The following SGMS2 variants were observed in gnomAD, a reference collection of about 807,000 sequenced individuals.
SGMS2 encodes the protein sphingomyelin synthase 2.
In SGMS2, 21 loss-of-function variants were observed where a neutral mutation model predicts 43.8. The observed-to-expected ratio is 0.48, with a 90% CI of 0.34 to 0.69. The LOEUF is 0.69. Ranked by LOEUF, SGMS2 falls within the 30% of genes least tolerant of loss-of-function variation. SGMS2 has a pLI of 0.01. For missense variants in SGMS2, 384 were observed against 443.2 expected (o/e 0.87, Z 1.20); for synonymous variants, 167 against 160.6 (o/e 1.04, Z -0.30).
At chr4:107,889,052 C>A (rs1560662245) in intron 2 of SGMS2, among the ~76,000 whole-genome samples, 1 of 152,120 alleles carries the variant, frequency 6.6e-6, no homozygotes, top group Non-Finnish European at 1.5e-5. Flanking sequence ...TGGGTGTAGG[C>A]CAAACTATTT....
At chr4:107,857,617 A>G (rs1727498223) in intron 1 of SGMS2, among the ~76,000 whole-genome samples, 1 of 151,826 alleles carries the variant, frequency 6.6e-6, no homozygotes, top group Non-Finnish European at 1.5e-5. Flanking sequence ...TTGGATATTC[A>G]TATTGTGGTT....
chr4:107,871,646 C>T (rs1728564156), intron 2 of SGMS2, among the ~76,000 whole-genome samples: 1 of 152,012 alleles, frequency 6.6e-6, no homozygotes, highest in African/African-American at 2.4e-5. Context: ...ATAGTATTAA[C>T]CATTGCTACA....
intron 1 of SGMS2, among the ~76,000 whole-genome samples, chr4:107,828,349 C>G (rs1409711966): frequency 1.3e-5 from 2 of 152,160 alleles, no homozygotes; most frequent in Admixed American, 1.3e-4. Flanking sequence ...CTCTTATTAC[C>G]TTCTTTTACT....
intron 2 of SGMS2, among the ~76,000 whole-genome samples, chr4:107,866,506 C>T (rs1449214611): frequency 1.3e-5 from 2 of 151,526 alleles, no homozygotes; most frequent in African/African-American, 4.9e-5. Context: ...GCGGAGGTTG[C>T]AGTGAGCTGA....
chr4:107,855,464 G>A (rs1560640334), intron 1 of SGMS2, among the ~76,000 whole-genome samples: 1 of 152,092 alleles, frequency 6.6e-6, no homozygotes, highest in Non-Finnish European at 1.5e-5. Context: ...GGAGCATTTT[G>A]CTTAATTTCC....
At chr4:107,847,790 G>A (rs1481102960) in intron 1 of SGMS2, among the ~76,000 whole-genome samples, 3 of 152,034 alleles carry the variant, frequency 2.0e-5, no homozygotes, top group Admixed American at 6.6e-5. Context: ...ATTAATAGGC[G>A]TTTTTTAAAA....
At chr4:107,850,056 T>C (rs553863742) in intron 1 of SGMS2, among the ~76,000 whole-genome samples, 2 of 152,294 alleles carry the variant, frequency 1.3e-5, no homozygotes, top group African/African-American at 4.8e-5. Flanking sequence ...TATCATCTTC[T>C]TGGTACTGTT....
chr4:107,828,807 A>G (rs902525593), intron 1 of SGMS2, among the ~76,000 whole-genome samples: 1 of 152,252 alleles, frequency 6.6e-6, no homozygotes, highest in African/African-American at 2.4e-5. Flanking sequence ...CCTTTAGCAT[A>G]TCTCATAAGA....
At chr4:107,838,151 A>G (rs1385808164) in intron 1 of SGMS2, among the ~76,000 whole-genome samples, 1 of 152,192 alleles carries the variant, frequency 6.6e-6, no homozygotes, top group Non-Finnish European at 1.5e-5. Flanking sequence ...TGGGGTAACC[A>G]ATGAGGAGGA....
intron 2 of SGMS2, among the ~76,000 whole-genome samples, chr4:107,866,301 A>C (rs1333494953): frequency 6.6e-6 from 1 of 152,198 alleles, no homozygotes; most frequent in Non-Finnish European, 1.5e-5. Flanking sequence ...ATTGTGGCTC[A>C]CACCTGTAAT....
intron 1 of SGMS2, among the ~76,000 whole-genome samples, chr4:107,845,823 G>A (rs1335962213): frequency 6.6e-6 from 1 of 152,176 alleles, no homozygotes; most frequent in African/African-American, 2.4e-5. Context: ...GATAAGGCGT[G>A]TCCTGCCATT....
chr4:107,826,714 C>G (rs928780227), intron 1 of SGMS2, among the ~76,000 whole-genome samples: 1 of 151,820 alleles, frequency 6.6e-6, no homozygotes, highest in Admixed American at 6.6e-5. Context: ...TTAAGTAAAG[C>G]TAGTTGACTT....
chr4:107,845,831 A>G (rs1279527800), intron 1 of SGMS2, among the ~76,000 whole-genome samples: 3 of 152,182 alleles, frequency 2.0e-5, no homozygotes, highest in African/African-American at 7.2e-5. Flanking sequence ...GTGTCCTGCC[A>G]TTTGTTATAT....
chr4:107,839,275 T>C (rs538815663), intron 1 of SGMS2, among the ~76,000 whole-genome samples: 2 of 152,308 alleles, frequency 1.3e-5, no homozygotes, highest in South Asian at 4.1e-4. Context: ...TCTATTTGCC[T>C]GGTAATAGTT....
At chr4:107,846,241 TCCTAATGCTAACCCTCCCC>T (rs1241216969) in intron 1 of SGMS2, among the ~76,000 whole-genome samples, 1 of 144,580 alleles carries the variant, frequency 6.9e-6, no homozygotes, top group African/African-American at 2.6e-5. Flanking sequence ...TAGGTATATC[TCCTAATGCTAACCCTCCCC>T]CCTCCCCCCA....
intron 2 of SGMS2, among the ~76,000 whole-genome samples, chr4:107,879,990 G>C (rs1176194559): frequency 6.6e-6 from 1 of 152,022 alleles, no homozygotes; most frequent in African/African-American, 2.4e-5. Context: ...CTGTTTGTTA[G>C]GCCGTATCTT....
chr4:107,893,924 G>A (rs1053579605), intron 2 of SGMS2, among the ~76,000 whole-genome samples: 1 of 152,066 alleles, frequency 6.6e-6, no homozygotes, highest in African/African-American at 2.4e-5. Flanking sequence ...CTGTCTCTTT[G>A]GTTAGACTGC....
At chr4:107,843,615 A>G (rs919636907) in intron 1 of SGMS2, among the ~76,000 whole-genome samples, 4 of 152,148 alleles carry the variant, frequency 2.6e-5, no homozygotes, top group Non-Finnish European at 5.9e-5. Flanking sequence ...TTTCACCTGA[A>G]AAGGCTCAAA....
At chr4:107,879,759 G>A (rs538902652) in intron 2 of SGMS2, among the ~76,000 whole-genome samples, 5 of 152,280 alleles carry the variant, frequency 3.3e-5, no homozygotes, top group African/African-American at 1.2e-4. Context: ...ACCGCACCTG[G>A]TGGGCTATAC....
Sources: gnomAD v4.1 joint callset for allele counts (sites outside exome capture counted in the v4.1 genomes callset) on GRCh38, gnomAD v4.1.1 for gene constraint, MANE v1.5 for transcripts, NCBI Gene and HGNC (gene_info 2026-07-23, HGNC 2026-07-21) for gene names.